The following PPP3CC variants were observed in gnomAD, a reference collection of about 807,000 sequenced individuals.
The protein encoded by PPP3CC is protein phosphatase 3 catalytic subunit gamma, also known as serine/threonine-protein phosphatase 2B catalytic subunit gamma isoform.
A neutral mutation model predicts 60.3 loss-of-function variants in PPP3CC; 35 were observed. The observed-to-expected ratio is 0.58, with a 90% CI of 0.44 to 0.77. The LOEUF is 0.77. Ranked by LOEUF, PPP3CC falls within the 30% of genes least tolerant of loss-of-function variation. The probability of loss-of-function intolerance (pLI) is 0.00; values close to 1 mark genes in which losing one functional copy is unlikely to be tolerated. For synonymous variants in PPP3CC, 206 were observed against 224.3 expected (o/e 0.92, Z 0.73); for missense variants, 570 against 628.9 (o/e 0.91, Z 1.00).
intron 1 of PPP3CC, among the ~76,000 whole-genome samples, chr8:22,459,522 T>C (rs1837305840): frequency 6.6e-6 from 1 of 152,074 alleles, no homozygotes; most frequent in South Asian, 2.1e-4. Context: ...TTGTGTAAAA[T>C]ACTTTCATTT....
chr8:22,457,478 G>T (rs1453854996), intron 1 of PPP3CC, among the ~76,000 whole-genome samples: 1 of 151,776 alleles, frequency 6.6e-6, no homozygotes, highest in African/African-American at 2.4e-5. Flanking sequence ...AATTTTTGTG[G>T]TTTTTAGTAG....
intron 1 of PPP3CC, among the ~76,000 whole-genome samples, chr8:22,464,915 A>G (rs761721517): frequency 2.0e-5 from 3 of 150,926 alleles, no homozygotes; most frequent in Non-Finnish European, 4.4e-5. Flanking sequence ...GCTGCAATGT[A>G]TTTGTTAAAG....
Position 22,498,091 on chromosome 8 carries a change from T to TATTTC in PPP3CC, c.465_469dup (p.Thr157IlefsTer33), listed in dbSNP as rs918882873. ...TCATGAATGCAGGCATCTTACAGAC[T>TATTTC]ATTTCACCTTCAAACAGGAATGTAA... On this transcript the variant is annotated frameshift_variant, in exon 4 of 14. Transcript: ENST00000240139. LOFTEE classifies it high-confidence loss of function. The TATTTC allele has an allele frequency of 6.2e-7, 1 of 1,609,572 alleles. No homozygotes were observed. Among genetic ancestry groups the TATTTC allele is most frequent in the Non-Finnish European group, 8.5e-7 (1 of 1,176,286 alleles).
At chr8:22,446,429 C>T (rs532116799) in intron 1 of PPP3CC, among the ~76,000 whole-genome samples, 1 of 152,220 alleles carries the variant, frequency 6.6e-6, no homozygotes, top group Admixed American at 6.5e-5. Flanking sequence ...ATGCTAAGGA[C>T]TCATTACTTA....
Position 22,441,214 on chromosome 8 carries a change from C to T in PPP3CC, c.-196C>T, listed in dbSNP as rs995752765. Reference sequence around the variant, plus strand: ...CCCAAGAGAGCGGCCGGTGGGCCCTCGTCCTGTCAGTGGCGTCGGAGGCCG... The same window carrying T: ...CCCAAGAGAGCGGCCGGTGGGCCCTTGTCCTGTCAGTGGCGTCGGAGGCCG... On this transcript the variant is annotated 5_prime_UTR_variant, in exon 1 of 14. Transcript: ENST00000240139. 1 of 468,384 alleles carries T rather than the reference C, an allele frequency of 2.1e-6. No homozygotes were observed. Among genetic ancestry groups the T allele is most frequent in the Non-Finnish European group, 3.7e-6 (1 of 271,102 alleles). 29.0% of individuals were successfully genotyped at this position (468,384 alleles called of 1,614,324 possible).
intron 10 of PPP3CC, among the ~76,000 whole-genome samples, chr8:22,529,177 A>C (rs1034707561): frequency 1.3e-5 from 2 of 152,200 alleles, no homozygotes; most frequent in African/African-American, 4.8e-5. Flanking sequence ...CAGGAATAAC[A>C]CTTCTTGATT....
At chr8:22,449,935 C>T (rs1374585412) in intron 1 of PPP3CC, among the ~76,000 whole-genome samples, 3 of 149,786 alleles carry the variant, frequency 2.0e-5, no homozygotes, top group South Asian at 2.1e-4. Context: ...GGCGCAATCT[C>T]GGCTCACTGC....
At chr8:22,481,450 C>T (rs901325922) in intron 3 of PPP3CC, among the ~76,000 whole-genome samples, 2 of 150,394 alleles carry the variant, frequency 1.3e-5, no homozygotes, top group African/African-American at 2.4e-5. Flanking sequence ...GATGTAAAAA[C>T]GTTAGTTTCC....
At chr8:22,523,351 T>G (rs1433440862) in intron 8 of PPP3CC, among the ~76,000 whole-genome samples, 1 of 152,196 alleles carries the variant, frequency 6.6e-6, no homozygotes, top group Non-Finnish European at 1.5e-5. Context: ...TTCTAAGACT[T>G]TATCCTGTTA....
intron 1 of PPP3CC, among the ~76,000 whole-genome samples, chr8:22,447,520 G>C (rs1836867862): frequency 6.6e-6 from 1 of 151,880 alleles, no homozygotes; most frequent in Non-Finnish European, 1.5e-5. Context: ...GTTTCGCCCT[G>C]TTGTTGAGGC....
intron 6 of PPP3CC, among the ~76,000 whole-genome samples, chr8:22,516,496 G>T (rs939318666): frequency 1.3e-5 from 2 of 152,048 alleles, no homozygotes; most frequent in African/African-American, 4.8e-5. Context: ...ATTACTTGTG[G>T]ATTTCATATT....
intron 3 of PPP3CC, among the ~76,000 whole-genome samples, chr8:22,483,010 G>T (rs1586819822): frequency 6.6e-6 from 1 of 152,192 alleles, no homozygotes. Flanking sequence ...AGAAAGAACA[G>T]AAGGGAATAA....
Position 22,525,560 on chromosome 8 carries a change from T to C in PPP3CC, c.944-1832T>C, listed in dbSNP as rs558216827. 2.7e-3 allele frequency among the ~76,000 whole-genome samples: 379 copies of C among 138,320 alleles called. 1 individual carries two copies. The highest frequency in any genetic ancestry group is 4.3e-3 in the African/African-American group (162 of 37,674). The allele number at this position is 138,320 out of a possible 152,430, so 90.7% of individuals were successfully genotyped here. ...TTTCTCTCCCTCTCTCTCTCTCTCT[T>C]TCTTTCTCTCTCTCTCTCTTTCTCT... is the stretch of plus-strand genomic sequence containing the variant. On this transcript the variant is annotated intron_variant, in intron 8 of 13. Coordinates refer to ENST00000240139, the MANE Select transcript of PPP3CC (RefSeq NM_005605.5).
chr8:22,513,606 G>T (rs1016461541), intron 6 of PPP3CC, among the ~76,000 whole-genome samples, 174 bp downstream of exon 6: 1 of 151,986 alleles, frequency 6.6e-6, no homozygotes, highest in East Asian at 1.9e-4. Flanking sequence ...ATTTTCTTAG[G>T]TATATATCCT....
chr8:22,505,360 T>C (rs1838883646), intron 4 of PPP3CC, among the ~76,000 whole-genome samples: 1 of 152,260 alleles, frequency 6.6e-6, no homozygotes, highest in Admixed American at 6.5e-5. Flanking sequence ...TATAGTTAAA[T>C]AGCTTACTGA....
chr8:22,501,099 C>T, intron 4 of PPP3CC, among the ~76,000 whole-genome samples: 1 of 152,132 alleles, frequency 6.6e-6, no homozygotes, highest in East Asian at 1.9e-4. Context: ...GAGTTTGTGG[C>T]TATAGTGAGT....
intron 7 of PPP3CC, 23 bp from the exon 8 acceptor site, chr8:22,522,632 A>G: frequency 6.3e-7 from 1 of 1,590,206 alleles, no homozygotes; most frequent in Non-Finnish European, 8.6e-7. Context: ...ATGCAGACAG[A>G]TGGACTTTCA....
At chr8:22,468,218 C>A (rs1299328074) in intron 1 of PPP3CC, among the ~76,000 whole-genome samples, 1 of 152,188 alleles carries the variant, frequency 6.6e-6, no homozygotes, top group Non-Finnish European at 1.5e-5. Context: ...ACTACCCTGT[C>A]TCAGCCTCCC....
At chr8:22,510,321 T>A (rs1295637602) in intron 4 of PPP3CC, among the ~76,000 whole-genome samples, 1 of 152,194 alleles carries the variant, frequency 6.6e-6, no homozygotes, top group African/African-American at 2.4e-5. Flanking sequence ...TTAAGCCAAA[T>A]GTTTTTAGAG....
Sources: gnomAD v4.1 joint callset for allele counts (sites outside exome capture counted in the v4.1 genomes callset) on GRCh38, gnomAD v4.1.1 for gene constraint, MANE v1.5 for transcripts, NCBI Gene and HGNC (gene_info 2026-07-23, HGNC 2026-07-21) for gene names.